Variants in LTBP1 observed in about 807,000 individuals in gnomAD.
LTBP1 encodes latent-transforming growth factor beta-binding protein 1.
Under a neutral mutation model 207.6 loss-of-function variants are expected in LTBP1, and 129 were observed. The ratio of observed to expected loss-of-function variants is 0.62; its 90% CI spans 0.54 to 0.72. The LOEUF is 0.72. Ranked by LOEUF, LTBP1 falls within the 30% of genes least tolerant of loss-of-function variation. LTBP1 has a pLI of 0.00. For missense variants in LTBP1, 2,281 were observed against 2,217.2 expected (o/e 1.03, Z -0.58); for synonymous variants, 963 against 833.7 (o/e 1.16, Z -2.67).
rs559106621 is a variant in LTBP1 at position 33,016,389 on chromosome 2, C to T, written c.566-4520C>T. Among the ~76,000 whole-genome samples the T allele has an allele frequency of 2.3e-4, 35 of 152,238 alleles. No individual in the cohort carries two copies. In the South Asian group the frequency reaches 5.4e-3, roughly 23 times the overall value. On this transcript the variant is annotated intron_variant, in intron 2 of 33. Transcript: ENST00000404816. ...TAGCGTTTTAGAAGACTAGTCTGTC[C>T]GCAAGCCTGGATTAGGTTTTTGTTC... is the stretch of plus-strand genomic sequence containing the variant.
At chr2:33,175,518 G>A (rs1173077128) in intron 5 of LTBP1, among the ~76,000 whole-genome samples, 6 of 152,216 alleles carry the variant, frequency 3.9e-5, no homozygotes, top group African/African-American at 1.4e-4. Context: ...ATGCTGGAGA[G>A]GGTGTGGAGA....
chr2:33,267,566 C>T (rs1163460171), intron 15 of LTBP1, among the ~76,000 whole-genome samples: 1 of 152,140 alleles, frequency 6.6e-6, no homozygotes, highest in Non-Finnish European at 1.5e-5. Flanking sequence ...AAATAATACA[C>T]TATTTTGGAC....
chr2:33,009,494 C>G (rs927354449), intron 2 of LTBP1, among the ~76,000 whole-genome samples: 6 of 152,090 alleles, frequency 3.9e-5, no homozygotes, highest in Non-Finnish European at 7.4e-5. Context: ...GGGGATATTT[C>G]AGCATAAGCA....
chr2:33,182,410 C>T (rs1422776489), intron 5 of LTBP1, among the ~76,000 whole-genome samples: 2 of 151,958 alleles, frequency 1.3e-5, no homozygotes, highest in Non-Finnish European at 2.9e-5. Flanking sequence ...CACCTGTAAT[C>T]TCAGCACTTT....
chr2:33,204,686 C>G (rs1417468334), intron 7 of LTBP1, among the ~76,000 whole-genome samples: 1 of 152,160 alleles, frequency 6.6e-6, no homozygotes, highest in East Asian at 1.9e-4. Context: ...CTCAAGTGAT[C>G]CTCCTGCCTC....
In LTBP1 at chr2:33,221,659, C is replaced by G. The variant is rs76108136; in HGVS notation, c.1805-421C>G. Among the ~76,000 whole-genome samples, 737 of 152,230 alleles carry G rather than the reference C, an allele frequency of 4.8e-3. 7 individuals are homozygous for G. The highest frequency in any genetic ancestry group is 0.017 in the African/African-American group (704 of 41,530). The stretch of plus-strand genomic sequence containing the variant: ...GTGGGACACTTTGGGGAGTAAAGTA[C>G]TGTTAATTAACTTTGCTGGAATAAC... On this transcript the variant is annotated intron_variant, in intron 8 of 33. Coordinates refer to ENST00000404816, the MANE Select transcript of LTBP1 (RefSeq NM_206943.4).
At chr2:33,314,863 C>G (rs2094243316) in intron 23 of LTBP1, among the ~76,000 whole-genome samples, 1 of 152,104 alleles carries the variant, frequency 6.6e-6, no homozygotes, top group African/African-American at 2.4e-5. Flanking sequence ...TTCCTCAAGC[C>G]CCATATGTCT....
rs1428943113 is a variant in LTBP1 at position 33,257,470 on chromosome 2, C to T, written c.2354C>T (p.Thr785Ile). ...AAGGAAGAGCCAGTGGAGGCCCTGACCTTCTCCCGGGAACACGGGCCAGGA... is the reference window on the plus strand; with the variant it reads ...AAGGAAGAGCCAGTGGAGGCCCTGATCTTCTCCCGGGAACACGGGCCAGGA... ...PAKEEPVEALTFSREHGPGVA... is the reference protein window; with the variant it reads ...PAKEEPVEALIFSREHGPGVA... The change falls in exon 12 of 34, where the codon ACC (threonine) becomes ATC (isoleucine). Residue 785 changes from threonine to isoleucine, a missense_variant. Transcript: ENST00000404816. 1.3e-5 allele frequency: 21 copies of T among 1,614,100 alleles called. No individual in the cohort carries two copies. In the Admixed American group the frequency reaches 3.0e-4, roughly 23 times the overall value.
chr2:33,170,131 A>G (rs1302055628), intron 5 of LTBP1, among the ~76,000 whole-genome samples: 3 of 152,132 alleles, frequency 2.0e-5, no homozygotes, highest in Non-Finnish European at 4.4e-5. Flanking sequence ...TCATCTCACT[A>G]GGGAGTGCCA....
intron 19 of LTBP1, among the ~76,000 whole-genome samples, chr2:33,288,948 T>C (rs1304694403): frequency 6.6e-6 from 1 of 152,028 alleles, no homozygotes; most frequent in Non-Finnish European, 1.5e-5. Context: ...AACTGTAGAA[T>C]GCATGATTCA....
chr2:33,234,105 T>C (rs1017844832), intron 9 of LTBP1, among the ~76,000 whole-genome samples: 22 of 152,156 alleles, frequency 1.4e-4, no homozygotes, highest in African/African-American at 5.3e-4. Flanking sequence ...CAACAGTATA[T>C]GGCCAGCACA....
At chr2:33,199,637 G>A (rs1296384261) in intron 7 of LTBP1, among the ~76,000 whole-genome samples, 2 of 152,278 alleles carry the variant, frequency 1.3e-5, no homozygotes, top group East Asian at 1.9e-4. Flanking sequence ...CAATTAGGCA[G>A]GAGAAGGAAA....
intron 2 of LTBP1, among the ~76,000 whole-genome samples, 194 bp from the exon 3 acceptor site, chr2:33,020,715 T>A (rs2075124108): frequency 6.6e-6 from 1 of 152,226 alleles, no homozygotes; most frequent in Non-Finnish European, 1.5e-5. Flanking sequence ...GAACAGTGCC[T>A]GTCACATAGG....
At position 32,947,419 on chromosome 2, in the gene LTBP1, T is replaced by C. The variant is rs902505373; in HGVS notation, c.95T>C (p.Val32Ala). Residue 32 changes from valine (V) to alanine (A), a missense_variant, in exon 1 of 34, where the codon GTG (valine) becomes GCG (alanine). Around this residue, in one of 3 missense-constraint regions of LTBP1, gnomAD observed 555 missense variants for 491.0 expected, o/e 1.13. Coordinates refer to ENST00000404816, the MANE Select transcript of LTBP1 (RefSeq NM_206943.4). ...HGRLRRITYV[V>A]HPGPGLAAGA... Reference sequence around the variant, plus strand: ...CGGCTGCGGAGGATCACCTACGTGGTGCACCCGGGCCCCGGCCTGGCAGCC... The same window carrying C: ...CGGCTGCGGAGGATCACCTACGTGGCGCACCCGGGCCCCGGCCTGGCAGCC... The C allele has an allele frequency of 1.4e-6, 2 of 1,435,916 alleles. No homozygotes were observed. Among genetic ancestry groups the C allele is most frequent in the Admixed American group, 2.6e-5 (1 of 38,136 alleles). The allele number at this position is 1,435,916 out of a possible 1,614,324, so 88.9% of individuals were successfully genotyped here. A position where few individuals can be genotyped will look rare whatever the true frequency, so the allele number is the denominator to read the frequency against.
At chr2:32,978,126 A>T (rs1682111354) in intron 2 of LTBP1, among the ~76,000 whole-genome samples, 1 of 152,098 alleles carries the variant, frequency 6.6e-6, no homozygotes, top group African/African-American at 2.4e-5. Flanking sequence ...TGGAGTTTTT[A>T]GGTTTTTCCA....
intron 26 of LTBP1, among the ~76,000 whole-genome samples, chr2:33,351,109 A>G (rs1001509198): frequency 5.3e-5 from 8 of 152,242 alleles, no homozygotes; most frequent in African/African-American, 1.4e-4. Context: ...ACTTTACTCA[A>G]TAATTTATCA....
chr2:33,093,516 T>G lies in LTBP1; in HGVS notation c.864-17066T>G, dbSNP rs2079220172. Among the ~76,000 whole-genome samples, 3 of 152,198 alleles carry G rather than the reference T, an allele frequency of 2.0e-5. No individual in the cohort carries two copies. The South Asian group carries it at 6.2e-4, about 32-fold the overall frequency. ...AGGATACGCCTGCTCAAAACATTTT[T>G]AATGTTTTACCTTCATGGGCTCCGC... On this transcript the variant is annotated intron_variant, in intron 3 of 33. Coordinates refer to ENST00000404816, the MANE Select transcript of LTBP1 (RefSeq NM_206943.4).
At chr2:33,394,347 GT>G (rs2095341505) in intron 32 of LTBP1, among the ~76,000 whole-genome samples, 1 of 152,152 alleles carries the variant, frequency 6.6e-6, no homozygotes, top group Non-Finnish European at 1.5e-5. Context: ...TGCTCTTGGT[GT>G]TTTAGACATG....
chr2:33,324,254 G>A (rs2094396167), intron 24 of LTBP1, among the ~76,000 whole-genome samples: 1 of 150,528 alleles, frequency 6.6e-6, no homozygotes, highest in African/African-American at 2.5e-5. Flanking sequence ...TTTTGTTACA[G>A]TATATTGTTA....
Sources: allele counts gnomAD v4.1 joint callset (sites outside exome capture counted in the v4.1 genomes callset), GRCh38; gene constraint gnomAD v4.1.1; regional missense constraint gnomAD v4.1.1; transcripts MANE v1.5; gene names NCBI Gene and HGNC (gene_info 2026-07-23, HGNC 2026-07-21).